PRDM8: variants seen among roughly 807,000 people sequenced by gnomAD.
The protein encoded by PRDM8 is PR/SET domain 8, also known as PR domain zinc finger protein 8.
Under a neutral mutation model 46.5 loss-of-function variants are expected in PRDM8, and 13 were observed. The observed-to-expected ratio is 0.28, with a 90% CI of 0.18 to 0.44. The LOEUF (loss-of-function observed/expected upper bound fraction) is 0.44, where lower values mean the gene tolerates loss of function less well. Ranked by LOEUF, PRDM8 falls within the 20% of genes least tolerant of loss-of-function variation. The pLI, the probability that PRDM8 is intolerant of heterozygous loss-of-function variation, is 1.00. For synonymous variants in PRDM8, 473 were observed against 438.4 expected (o/e 1.08, Z -0.98); for missense variants, 998 against 955.0 (o/e 1.04, Z -0.59).
At chr4:80,199,709 A>ATGTGTGTGTGTGTGTGTGTG (rs34334135) in intron 1 of PRDM8, among the ~76,000 whole-genome samples, 111 of 132,996 alleles carry the variant, frequency 8.3e-4, no homozygotes, top group African/African-American at 3.0e-3. Context: ...ATATATATAT[A>ATGTGTGTGTGTGTGTGTGTG]TGTGTGTGTG....
upstream of PRDM8, among the ~76,000 whole-genome samples, chr4:80,195,532 G>A (rs1275643886): frequency 4.0e-5 from 6 of 150,672 alleles, no homozygotes; most frequent in African/African-American, 1.5e-4. Context: ...TTGTGTGTGT[G>A]TAGAGAGAGA....
chr4:80,200,316 G>A lies in PRDM8; in HGVS notation c.219+17G>A, dbSNP rs374010085. The A allele has an allele frequency of 2.0e-5, 31 of 1,582,596 alleles. No individual in the cohort carries two copies. The African/African-American group carries it at 4.0e-4, about 21-fold the overall frequency. Reference sequence around the variant, plus strand: ...ATCTTTCGGGTAAGTCTCCACTGTAGCTGTGTAGGTGTATGAGGGTAATGT... The same window carrying A: ...ATCTTTCGGGTAAGTCTCCACTGTAACTGTGTAGGTGTATGAGGGTAATGT... On this transcript the variant is annotated intron_variant, in intron 2 of 3. Transcript: ENST00000415738.
chr4:80,202,441 G>A lies in PRDM8; in HGVS notation c.979G>A (p.Ala327Thr), dbSNP rs1180248856. Residue 327 changes from alanine (A) to threonine (T), a missense_variant, in exon 4 of 4, where the codon GCT becomes ACT. Coordinates refer to ENST00000415738, the MANE Select transcript of PRDM8 (RefSeq NM_001099403.2). ...PEEAAEGGGGAGLVGGRGRFV... is the reference protein window; with the variant it reads ...PEEAAEGGGGTGLVGGRGRFV... ...GGAGGCGGCGGAGGGCGGCGGTGGC[G>A]CTGGTCTGGTAGGGGGCCGGGGCCG... 3 of 1,547,134 alleles carry A rather than the reference G, an allele frequency of 1.9e-6. No individual in the cohort carries two copies. The highest frequency in any genetic ancestry group is 1.4e-5 in the African/African-American group (1 of 73,006).
rs762021094 is a variant in PRDM8, at chr4:80,203,139, C to T, written c.1677C>T (p.Cys559=). ...LQGAADLNGG[C]GSLPSGGGGL... is the part of the protein sequence containing the mutation. ...GGGCCGCGGACCTGAACGGAGGTTG[C>T]GGGTCCCTGCCGAGCGGCGGCGGCG... Residue 559 remains cysteine, a synonymous_variant, in exon 4 of 4, where the codon TGC becomes TGT. Coordinates refer to ENST00000415738, the MANE Select transcript of PRDM8 (RefSeq NM_001099403.2). 63 of 1,555,882 alleles carry T rather than the reference C, an allele frequency of 4.0e-5. No individual in the cohort carries two copies. The highest frequency in any genetic ancestry group is 4.8e-5 in the Non-Finnish European group (56 of 1,158,704).
intron 1 of PRDM8, among the ~76,000 whole-genome samples, chr4:80,190,994 G>A (rs896267215): frequency 9.9e-5 from 15 of 152,206 alleles, no homozygotes; most frequent in Admixed American, 8.5e-4. Flanking sequence ...ATATTAGATA[G>A]TAACATTATA....
intron 1 of PRDM8, among the ~76,000 whole-genome samples, chr4:80,187,737 C>T (rs1158020043): frequency 6.6e-6 from 1 of 152,176 alleles, no homozygotes; most frequent in Admixed American, 6.5e-5. Flanking sequence ...CCTCCTGCTC[C>T]TCCTGTCCTC....
rs1289048754 is a variant in PRDM8, at chr4:80,203,662, C to G, written c.*130C>G. ...GCACAAAGACACATACATTCACCGCCCCCCCGCCCCCCCAACGCGCACACA... is the reference window on the plus strand; with the variant it reads ...GCACAAAGACACATACATTCACCGCGCCCCCGCCCCCCCAACGCGCACACA... On this transcript the variant is annotated 3_prime_UTR_variant, in exon 4 of 4. Transcript: ENST00000415738. 7.3e-7 allele frequency: 1 copy of G among 1,370,126 alleles called. No homozygotes were observed. 84.9% of individuals were successfully genotyped at this position (1,370,126 alleles called of 1,614,324 possible).
In PRDM8 at chr4:80,202,931, A is replaced by C. The variant is rs777299860; in HGVS notation, c.1469A>C (p.Gln490Pro). 1 of 1,442,920 alleles carries C rather than the reference A, an allele frequency of 6.9e-7. No homozygotes were observed. Among genetic ancestry groups the C allele is most frequent in the African/African-American group, 1.5e-5 (1 of 67,804 alleles). The allele number at this position is 1,442,920 out of a possible 1,614,324, so 89.4% of individuals were successfully genotyped here. Residue 490 changes from glutamine (Q) to proline (P), a missense_variant, in exon 4 of 4, where the codon CAG becomes CCG. Physicochemically the swap from Gln to Pro is moderately conservative, Grantham distance 76. Transcript: ENST00000415738. ...AGAAGGAGGGQGAASDERKSA... is the reference protein window; with the variant it reads ...AGAAGGAGGGPGAASDERKSA... ...GCCGCAGGCGGCGCGGGCGGGGGCCAGGGCGCCGCGTCGGACGAGCGCAAA... is the reference window on the plus strand; with the variant it reads ...GCCGCAGGCGGCGCGGGCGGGGGCCCGGGCGCCGCGTCGGACGAGCGCAAA...
chr4:80,203,811 T>G lies in PRDM8; in HGVS notation c.*279T>G. The G allele has an allele frequency of 3.2e-6, 1 of 314,202 alleles. No homozygotes were observed. The highest frequency in any genetic ancestry group is 4.7e-5 in the Admixed American group (1 of 21,084). 19.5% of individuals were successfully genotyped at this position (314,202 alleles called of 1,614,324 possible). On this transcript the variant is annotated 3_prime_UTR_variant, in exon 4 of 4. Transcript: ENST00000415738. ...ATGGTGGAGTTTTGATTGGGTGGGTTGTTTGAGGGGGTTTTCTTTTGAATG... is the reference window on the plus strand; with the variant it reads ...ATGGTGGAGTTTTGATTGGGTGGGTGGTTTGAGGGGGTTTTCTTTTGAATG...
At position 80,202,816 on chromosome 4, in the gene PRDM8, G is replaced by T; in HGVS notation, c.1354G>T (p.Gly452Cys). Residue 452 changes from glycine to cysteine, a missense_variant, in exon 4 of 4, where the codon GGC (glycine) becomes TGC (cysteine). Gly to Cys is a radical substitution (Grantham distance 159). Transcript: ENST00000415738. ...GGPLPSRLEG[G>C]SPARGSAFTS... is the part of the protein sequence containing the mutation. ...CCCGCTGCCCAGCCGGCTCGAGGGCGGCAGTCCTGCGAGGGGCAGCGCCTT... is the reference window on the plus strand; with the variant it reads ...CCCGCTGCCCAGCCGGCTCGAGGGCTGCAGTCCTGCGAGGGGCAGCGCCTT... 8.2e-7 allele frequency: 1 copy of T among 1,226,236 alleles called. No individual in the cohort carries two copies. The highest frequency in any genetic ancestry group is 3.9e-5 in the South Asian group (1 of 25,622). 76.0% of individuals were successfully genotyped at this position (1,226,236 alleles called of 1,614,324 possible). A position where few individuals can be genotyped will look rare whatever the true frequency, so the allele number is the denominator to read the frequency against.
Position 80,201,323 on chromosome 4 carries a change from G to C in PRDM8, c.253G>C (p.Gly85Arg). 6.2e-7 allele frequency: 1 copy of C among 1,614,232 alleles called. No homozygotes were observed. Among genetic ancestry groups the C allele is most frequent in the Non-Finnish European group, 8.5e-7 (1 of 1,180,042 alleles). ...CTCAGCAGCAAATGGTTCCTCAGAA[G>C]GTCTCATGTGGCTGCGGTTGGTCCA... ...DTSAANGSSE[G>R]LMWLRLVQSA... is the part of the protein sequence containing the mutation. The change falls in exon 3 of 4, where the codon GGT becomes CGT. Residue 85 changes from glycine (G) to arginine (R), a missense_variant. Gly to Arg is a moderately radical substitution (Grantham distance 125). Coordinates refer to ENST00000415738, the MANE Select transcript of PRDM8 (RefSeq NM_001099403.2).
intron 3 of PRDM8, 97 bp from the exon 4 acceptor site, chr4:80,201,817 G>T: frequency 6.5e-7 from 1 of 1,548,022 alleles, no homozygotes; most frequent in Non-Finnish European, 8.8e-7. Context: ...GGGGATGGTG[G>T]CAAACTGGCT....
chr4:80,203,411 A>G lies in PRDM8; in HGVS notation c.1949A>G (p.Lys650Arg), dbSNP rs755367033. Residue 650 changes from lysine (K) to arginine (R), a missense_variant, in exon 4 of 4, where the codon AAG becomes AGG. Physicochemically the swap from Lys to Arg is conservative, Grantham distance 26. Coordinates refer to ENST00000415738, the MANE Select transcript of PRDM8 (RefSeq NM_001099403.2). ...LVYHMRSHHKKEYAMEPLVKR... is the reference protein window; with the variant it reads ...LVYHMRSHHKREYAMEPLVKR... ...TACCATATGAGGTCGCACCACAAAA[A>G]GGAGTATGCGATGGAGCCCTTGGTG... is the stretch of plus-strand genomic sequence containing the variant. 2.5e-6 allele frequency: 4 copies of G among 1,613,822 alleles called. No individual in the cohort carries two copies. Among genetic ancestry groups the G allele is most frequent in the Non-Finnish European group, 2.5e-6 (3 of 1,179,956 alleles).
In PRDM8 at chr4:80,202,944, G is replaced by C; in HGVS notation, c.1482G>C (p.Ser494=). The C allele has an allele frequency of 6.8e-7, 1 of 1,465,054 alleles. No homozygotes were observed. 90.8% of individuals were successfully genotyped at this position (1,465,054 alleles called of 1,614,324 possible). Residue 494 remains serine, a synonymous_variant, in exon 4 of 4, where the codon TCG becomes TCC. Coordinates refer to ENST00000415738, the MANE Select transcript of PRDM8 (RefSeq NM_001099403.2). ...CGGGCGGGGGCCAGGGCGCCGCGTC[G>C]GACGAGCGCAAAAGCGCCTTCTCGC... ...GGAGGGQGAA[S]DERKSAFSQP...
intron 1 of PRDM8, among the ~76,000 whole-genome samples, chr4:80,198,994 G>GTTTTTTTTTTTTTTTTTTTTTTTTT (rs1310531623): frequency 1.6e-5 from 1 of 63,506 alleles, no homozygotes; most frequent in Non-Finnish European, 2.4e-5. Flanking sequence ...TTTTTTTTTT[G>GTTTTTTTTTTTTTTTTTTTTTTTTT]TTTTTTTTTT....
rs1413112507 is a variant in PRDM8, at chr4:80,198,980, G to GTTTTTTT, written c.-2-1092_-2-1086dup. On this transcript the variant is annotated intron_variant, in intron 1 of 3. Coordinates refer to ENST00000415738, the MANE Select transcript of PRDM8 (RefSeq NM_001099403.2). ...AATTTAAATACCTGGGTTTTTTTGGGTTTTTTTTTTTTTGTTTTTTTTTTT... is the reference window on the plus strand; with the variant it reads ...AATTTAAATACCTGGGTTTTTTTGGGTTTTTTTTTTTTTTTTTTTTGTTTTTTTTTTT... 1.8e-4 allele frequency among the ~76,000 whole-genome samples: 19 copies of GTTTTTTT among 104,220 alleles called. 2 individuals are homozygous for GTTTTTTT. The highest frequency in any genetic ancestry group is 3.9e-4 in the South Asian group (1 of 2,576). The allele number at this position is 104,220 out of a possible 152,430, so 68.4% of individuals were successfully genotyped here. A position where few individuals can be genotyped will look rare whatever the true frequency, so the allele number is the denominator to read the frequency against.
chr4:80,202,617 C>T lies in PRDM8; in HGVS notation c.1155C>T (p.Ala385=), dbSNP rs2109879231. The change falls in exon 4 of 4, where the codon GCC becomes GCT. Residue 385 remains alanine (A), a synonymous_variant. Transcript: ENST00000415738. ...AGACGGGCGAGGCGAAGCGCAGCGC[C>T]TTCGTGGAGGTGAAGAAGGCTGCCC... ...SPETGEAKRS[A]FVEVKKAARA... 6.5e-7 allele frequency: 1 copy of T among 1,530,712 alleles called. No homozygotes were observed. The highest frequency in any genetic ancestry group is 1.2e-5 in the South Asian group (1 of 83,606). The allele number at this position is 1,530,712 out of a possible 1,614,324, so 94.8% of individuals were successfully genotyped here.
chr4:80,197,541 T>TTCTCCGTC lies in PRDM8; in HGVS notation c.-220_-213dup. 1 of 985,638 alleles carries TTCTCCGTC rather than the reference T, an allele frequency of 1.0e-6. No homozygotes were observed. The highest frequency in any genetic ancestry group is 4.7e-5 in the South Asian group (1 of 21,266). 61.1% of individuals were successfully genotyped at this position (985,638 alleles called of 1,614,324 possible). Reference sequence around the variant, plus strand: ...GGTCCATCTGTACAACTCTCTCCGTTTCTCCGTCTCTCTCCCTCCCTCCCT... The same window carrying TTCTCCGTC: ...GGTCCATCTGTACAACTCTCTCCGTTTCTCCGTCTCTCCGTCTCTCTCCCTCCCTCCCT... On this transcript the variant is annotated 5_prime_UTR_variant, in exon 1 of 4. Transcript: ENST00000415738.
chr4:80,197,166 G>A, upstream of PRDM8: 1 of 985,484 alleles, frequency 1.0e-6, no homozygotes, highest in Non-Finnish European at 1.2e-6. Flanking sequence ...CTCTGTCACA[G>A]CTTCTCCAAG....
Sources: gnomAD v4.1 joint callset for allele counts (sites outside exome capture counted in the v4.1 genomes callset) on GRCh38, gnomAD v4.1.1 for gene constraint, MANE v1.5 for transcripts, NCBI Gene and HGNC (gene_info 2026-07-23, HGNC 2026-07-21) for gene names.